Variants in RAPGEF5 observed in about 807,000 individuals in gnomAD.
RAPGEF5 encodes the protein M-Ras-regulated GEF.
Under a neutral mutation model 125.2 loss-of-function variants are expected in RAPGEF5, and 65 were observed. The observed-to-expected ratio is 0.52, with a 90% confidence interval of 0.43 to 0.64. RAPGEF5 has a LOEUF of 0.64. RAPGEF5 is among the 30% of genes least tolerant of loss of function. The pLI is 0.00. For missense variants in RAPGEF5, 958 were observed against 1,048.1 expected (o/e 0.91, Z 1.19); for synonymous variants, 391 against 385.9 (o/e 1.01, Z -0.16).
rs139130276 is a variant in RAPGEF5, at chr7:22,301,687, A to G, written c.680+6652T>C. Among the ~76,000 whole-genome samples the G allele has an allele frequency of 2.0e-3, 297 of 152,216 alleles. 3 individuals carry two copies. In the South Asian group the frequency reaches 0.03, roughly 15 times the overall value. On this transcript the variant is annotated intron_variant, in intron 5 of 25. Coordinates refer to ENST00000665637, the MANE Select transcript of RAPGEF5 (RefSeq NM_012294.5). ...GCATTTCAGTTCTATTGTTAAATGT[A>G]ATAAGATAATGAAAATGTAGAAAAC...
At chr7:22,309,294 A>C (rs747357305) in intron 4 of RAPGEF5, among the ~76,000 whole-genome samples, 2 of 152,196 alleles carry the variant, frequency 1.3e-5, no homozygotes, top group Non-Finnish European at 2.9e-5. Context: ...ACCCACGTCC[A>C]TATCTGTACC....
chr7:22,337,235 G>A (rs1271665928), intron 1 of RAPGEF5, among the ~76,000 whole-genome samples: 1 of 152,172 alleles, frequency 6.6e-6, no homozygotes, highest in Non-Finnish European at 1.5e-5. Context: ...GGATGTAATC[G>A]CAATCATAGA....
intron 22 of RAPGEF5, 121 bp from the exon 23 acceptor site, chr7:22,136,246 A>G: frequency 1.5e-6 from 1 of 665,910 alleles, no homozygotes; most frequent in Non-Finnish European, 2.4e-6. Context: ...CCTCCTAAGA[A>G]CAAAGTAGAT....
chr7:22,252,233 C>T (rs1249699186), intron 7 of RAPGEF5, among the ~76,000 whole-genome samples: 1 of 152,210 alleles, frequency 6.6e-6, no homozygotes, highest in Non-Finnish European at 1.5e-5. Context: ...CTGGACCACA[C>T]AAGACCAGAC....
intron 17 of RAPGEF5, among the ~76,000 whole-genome samples, chr7:22,153,022 C>G (rs147427782): frequency 6.6e-6 from 1 of 152,118 alleles, no homozygotes; most frequent in Non-Finnish European, 1.5e-5. Flanking sequence ...TTCACAGCCA[C>G]CAAATAGATA....
intron 21 of RAPGEF5, among the ~76,000 whole-genome samples, chr7:22,138,763 G>A (rs1423922369): frequency 6.6e-6 from 1 of 152,202 alleles, no homozygotes; most frequent in Admixed American, 6.5e-5. Context: ...CAGTCAATGC[G>A]CAGATTAAAC....
At position 22,180,384 on chromosome 7, in the gene RAPGEF5, T is replaced by G. The variant is rs113608514; in HGVS notation, c.1204+12983A>C. Among the ~76,000 whole-genome samples, 50 of 152,248 alleles carry G rather than the reference T, an allele frequency of 3.3e-4. 3 individuals are homozygous for G. The highest frequency in any genetic ancestry group is 9.9e-4 in the African/African-American group (41 of 41,552). ...ATGTGGCCACAAGACTAAGTTTTGG[T>G]CCATGAGGTAAAAGCAGAAGCCGTG... On this transcript the variant is annotated intron_variant, in intron 11 of 25. Coordinates refer to ENST00000665637, the MANE Select transcript of RAPGEF5 (RefSeq NM_012294.5).
intron 4 of RAPGEF5, 22 bp from the exon 5 acceptor site, chr7:22,308,529 T>G: frequency 6.9e-7 from 1 of 1,456,132 alleles, no homozygotes; most frequent in African/African-American, 1.4e-5. Context: ...AAAAAATATA[T>G]AGATCAATTT....
chr7:22,254,566 C>A (rs1449466287), intron 7 of RAPGEF5, among the ~76,000 whole-genome samples: 2 of 148,798 alleles, frequency 1.3e-5, no homozygotes, highest in African/African-American at 5.0e-5. Flanking sequence ...TGAGATCGCG[C>A]CATTGCACTC....
At chr7:22,265,197 T>C (rs1340761658) in intron 7 of RAPGEF5, among the ~76,000 whole-genome samples, 2 of 152,180 alleles carry the variant, frequency 1.3e-5, no homozygotes, top group African/African-American at 2.4e-5. Flanking sequence ...TACTGTGCTA[T>C]TGAACAGTAG....
chr7:22,186,498 C>A (rs562791448), intron 11 of RAPGEF5, among the ~76,000 whole-genome samples: 10 of 152,078 alleles, frequency 6.6e-5, no homozygotes, highest in South Asian at 2.1e-4. Flanking sequence ...TATTTAGCAA[C>A]CCATCATCTA....
intron 6 of RAPGEF5, among the ~76,000 whole-genome samples, chr7:22,271,311 T>C (rs1782420833): frequency 6.6e-6 from 1 of 152,232 alleles, no homozygotes. Context: ...ATCACTGCTC[T>C]ATTCAACAAG....
At chr7:22,269,235 G>T (rs1257838257) in intron 6 of RAPGEF5, among the ~76,000 whole-genome samples, 1 of 149,560 alleles carries the variant, frequency 6.7e-6, no homozygotes, top group African/African-American at 2.5e-5. Context: ...CCTACAAGAC[G>T]CAAAGGGGAA....
chr7:22,129,319 G>T (rs912500308), intron 24 of RAPGEF5, among the ~76,000 whole-genome samples: 2 of 152,106 alleles, frequency 1.3e-5, no homozygotes, highest in South Asian at 2.1e-4. Flanking sequence ...GTTCTCCCAC[G>T]GCCCCTTGGA....
intron 6 of RAPGEF5, among the ~76,000 whole-genome samples, chr7:22,274,489 C>G (rs1782511584): frequency 6.6e-6 from 1 of 152,038 alleles, no homozygotes; most frequent in African/African-American, 2.4e-5. Context: ...ACCACCAGGC[C>G]TGGCTAATTT....
At chr7:22,237,717 A>G (rs1442805963) in intron 7 of RAPGEF5, among the ~76,000 whole-genome samples, 2 of 152,156 alleles carry the variant, frequency 1.3e-5, no homozygotes, top group Non-Finnish European at 2.9e-5. Context: ...TTCCTTGGCA[A>G]TAATCCTCGT....
chr7:22,219,154 T>G (rs1358493910), intron 9 of RAPGEF5, among the ~76,000 whole-genome samples: 3 of 152,120 alleles, frequency 2.0e-5, no homozygotes, highest in Non-Finnish European at 2.9e-5. Context: ...GAGTGAAGTC[T>G]CATAACCAAC....
chr7:22,139,377 TG>T (rs1273412213), intron 21 of RAPGEF5, among the ~76,000 whole-genome samples: 2 of 152,076 alleles, frequency 1.3e-5, no homozygotes, highest in African/African-American at 4.8e-5. Context: ...GGAAGGACGG[TG>T]AGGGGACCAT....
intron 7 of RAPGEF5, among the ~76,000 whole-genome samples, chr7:22,254,684 G>C (rs923234868): frequency 4.6e-5 from 7 of 151,974 alleles, no homozygotes; most frequent in African/African-American, 1.7e-4. Context: ...TGGCACCAGG[G>C]ACCAGTTTCA....
Sources: allele counts gnomAD v4.1 joint callset (sites outside exome capture counted in the v4.1 genomes callset), GRCh38; gene constraint gnomAD v4.1.1; transcripts MANE v1.5; gene names NCBI Gene and HGNC (gene_info 2026-07-23, HGNC 2026-07-21).